The following PBX1 variants were observed in gnomAD, a reference collection of about 807,000 sequenced individuals.
PBX1 encodes the protein pre-B-cell leukemia transcription factor 1.
In PBX1, 6 loss-of-function variants were observed where a neutral mutation model predicts 53.4. The ratio of observed to expected loss-of-function variants is 0.11; its 90% CI spans 0.06 to 0.22. The LOEUF (loss-of-function observed/expected upper bound fraction) is 0.22, where lower values mean the gene tolerates loss of function less well. PBX1 is among the 10% of genes least tolerant of loss of function. The probability of loss-of-function intolerance (pLI) is 1.00; values close to 1 mark genes in which losing one functional copy is unlikely to be tolerated. For synonymous variants in PBX1, 204 were observed against 212.3 expected (o/e 0.96, Z 0.34); for missense variants, 251 against 551.4 (o/e 0.46, Z 5.46).
rs35739146 is a variant in PBX1 at position 164,834,029 on chromosome 1, A to ATGTGTGTGTGTGTGTGTGTG, written c.1200+12425_1200+12444dup. Among the ~76,000 whole-genome samples, 1,028 of 128,240 alleles carry ATGTGTGTGTGTGTGTGTGTG rather than the reference A, an allele frequency of 8.0e-3. 21 individuals are homozygous for ATGTGTGTGTGTGTGTGTGTG. The highest frequency in any genetic ancestry group is 0.021 in the African/African-American group (712 of 34,052). 84.1% of individuals were successfully genotyped at this position (128,240 alleles called of 152,430 possible). A position where few individuals can be genotyped will look rare whatever the true frequency, so the allele number is the denominator to read the frequency against. ...CCTGGATATGGGTATATATATGTATATGTGTGTGTGTGTGTGTGTGTGTGT... is the reference window on the plus strand; with the variant it reads ...CCTGGATATGGGTATATATATGTATATGTGTGTGTGTGTGTGTGTGTGTGTGTGTGTGTGTGTGTGTGTGT... On this transcript the variant is annotated intron_variant, in intron 8 of 8. Coordinates refer to ENST00000420696, the MANE Select transcript of PBX1 (RefSeq NM_002585.4).
At chr1:164,796,245 G>A (rs1021821706) in intron 3 of PBX1, among the ~76,000 whole-genome samples, 3 of 152,028 alleles carry the variant, frequency 2.0e-5, no homozygotes, top group African/African-American at 4.8e-5. Flanking sequence ...TCCTGACATC[G>A]TGTTCACCCG....
At chr1:164,856,468 T>C (rs960231528), downstream of PBX1, among the ~76,000 whole-genome samples, 1 of 152,188 alleles carries the variant, frequency 6.6e-6, no homozygotes, top group East Asian at 1.9e-4. Context: ...CTCTAAATTA[T>C]ATTTTTAATT....
intron 2 of PBX1, among the ~76,000 whole-genome samples, chr1:164,671,799 T>C (rs1661130151): frequency 1.3e-5 from 2 of 152,146 alleles, no homozygotes; most frequent in Admixed American, 1.3e-4. Flanking sequence ...TGTGTGAGTG[T>C]GGGTGTCTGA....
chr1:164,835,715 C>A (rs1471381377), intron 8 of PBX1, among the ~76,000 whole-genome samples: 1 of 152,088 alleles, frequency 6.6e-6, no homozygotes, highest in Non-Finnish European at 1.5e-5. Context: ...AGAGGAAATT[C>A]TATTTCTGAG....
chr1:164,642,653 T>C (rs1195618270), intron 2 of PBX1: 1 of 152,178 alleles, frequency 6.6e-6, no homozygotes, highest in African/African-American at 2.4e-5. Flanking sequence ...TCCTTTAATA[T>C]CAGCAAGGAC....
At chr1:164,647,934 C>T (rs113359986) in intron 2 of PBX1, among the ~76,000 whole-genome samples, 5,660 of 152,080 alleles carry the variant, frequency 0.037, 166 homozygotes, top group South Asian at 0.11. Context: ...CCTGCCTCAG[C>T]CTCCCGAGTA....
chr1:164,874,580 C>T (rs575631802), intron 2 of PBX1, among the ~76,000 whole-genome samples: 5 of 152,138 alleles, frequency 3.3e-5, no homozygotes, highest in African/African-American at 9.6e-5. Context: ...CTGCAATCTC[C>T]GCCTCCTGGG....
intron 8 of PBX1, 70 bp from the exon 9 acceptor site, chr1:164,846,514 A>C: frequency 1.5e-6 from 2 of 1,330,896 alleles, no homozygotes; most frequent in South Asian, 2.3e-5. Context: ...AAGATGCCTC[A>C]TTGTCATTGT....
At chr1:164,695,934 C>T (rs1041610459) in intron 2 of PBX1, among the ~76,000 whole-genome samples, 1 of 152,140 alleles carries the variant, frequency 6.6e-6, no homozygotes, top group African/African-American at 2.4e-5. Context: ...TAGGACTTCC[C>T]TATGAAATGG....
intron 2 of PBX1, among the ~76,000 whole-genome samples, chr1:164,615,221 A>T (rs1234994323): frequency 6.6e-6 from 1 of 152,228 alleles, no homozygotes; most frequent in Admixed American, 6.5e-5. Context: ...AATAAGAAAA[A>T]TGAGTAAGTT....
At chr1:164,714,786 C>T (rs970840037) in intron 2 of PBX1, among the ~76,000 whole-genome samples, 2 of 152,164 alleles carry the variant, frequency 1.3e-5, no homozygotes, top group African/African-American at 4.8e-5. Context: ...GAAGACTACC[C>T]ACTCATTTTG....
At chr1:164,759,333 TCCAAGCTCTGCC>T (rs1666689914) in intron 2 of PBX1, among the ~76,000 whole-genome samples, 1 of 152,060 alleles carries the variant, frequency 6.6e-6, no homozygotes, top group South Asian at 2.1e-4. Context: ...AATGGCTCAT[TCCAAGCTCTGCC>T]CTTATGTATG....
At chr1:164,826,804 A>C (rs1224420302) in intron 8 of PBX1, among the ~76,000 whole-genome samples, 1 of 152,188 alleles carries the variant, frequency 6.6e-6, no homozygotes, top group East Asian at 1.9e-4. Flanking sequence ...CTTATTCAAA[A>C]GGTTTGGTGA....
At chr1:164,830,552 C>G (rs1670703223) in intron 8 of PBX1, among the ~76,000 whole-genome samples, 1 of 152,028 alleles carries the variant, frequency 6.6e-6, no homozygotes, top group Admixed American at 6.6e-5. Flanking sequence ...TATAGAAATA[C>G]CTACATTTGT....
intron 2 of PBX1, among the ~76,000 whole-genome samples, chr1:164,764,841 T>C (rs563144503): frequency 2.2e-4 from 33 of 152,286 alleles, no homozygotes; most frequent in African/African-American, 7.9e-4. Flanking sequence ...ATCTTTACCA[T>C]TATTGCAGCT....
At chr1:164,762,736 A>T (rs900656303) in intron 2 of PBX1, among the ~76,000 whole-genome samples, 2 of 152,198 alleles carry the variant, frequency 1.3e-5, no homozygotes, top group Admixed American at 6.5e-5. Flanking sequence ...CTTTGTAGCA[A>T]ATTTTCTAGG....
At chr1:164,753,903 A>C (rs1666355709) in intron 2 of PBX1, among the ~76,000 whole-genome samples, 1 of 152,172 alleles carries the variant, frequency 6.6e-6, no homozygotes, top group Non-Finnish European at 1.5e-5. Flanking sequence ...TCACCTCTGA[A>C]GGTGGCAGGA....
In PBX1 at chr1:164,614,845, C is replaced by T. The variant is rs1429848869; in HGVS notation, c.265+51534C>T. The stretch of plus-strand genomic sequence containing the variant: ...CTATAGTGCAGTGGCATGATCTTGG[C>T]TTACCACAGCCTCCACCTCCTGGGT... On this transcript the variant is annotated intron_variant, in intron 2 of 8. Transcript: ENST00000420696. 2.0e-5 allele frequency among the ~76,000 whole-genome samples: 3 copies of T among 152,172 alleles called. No individual in the cohort carries two copies. The East Asian group carries it at 5.8e-4, about 29-fold the overall frequency.
chr1:164,648,359 CA>C (rs1387670164), intron 2 of PBX1, among the ~76,000 whole-genome samples: 17 of 152,162 alleles, frequency 1.1e-4, no homozygotes, highest in African/African-American at 3.9e-4. Flanking sequence ...ACTTATTTTT[CA>C]CATACTTCAA....
Sources: allele counts gnomAD v4.1 joint callset (sites outside exome capture counted in the v4.1 genomes callset), GRCh38; gene constraint gnomAD v4.1.1; transcripts MANE v1.5; gene names NCBI Gene and HGNC (gene_info 2026-07-23, HGNC 2026-07-21).